The following WDPCP variants were observed in gnomAD, a reference collection of about 807,000 sequenced individuals.
The protein encoded by WDPCP is WD repeat containing planar cell polarity effector, also known as WD repeat-containing and planar cell polarity effector protein fritz homolog.
In WDPCP, 71 loss-of-function variants were observed where a neutral mutation model predicts 93.1. The observed-to-expected ratio is 0.76, with a 90% CI of 0.63 to 0.93. The LOEUF (loss-of-function observed/expected upper bound fraction) is 0.93, where lower values mean the gene tolerates loss of function less well. Among genes scored for constraint, WDPCP ranks in the 40% least tolerant of loss-of-function variants. The pLI, the probability that WDPCP is intolerant of heterozygous loss-of-function variation, is 0.00. For missense variants in WDPCP, 844 were observed against 887.4 expected, an observed-to-expected ratio of 0.95 and a Z score of 0.62; for synonymous variants, 315 against 315.0, an observed-to-expected ratio of 1.00 and a Z score of 0.00.
intron 17 of WDPCP, among the ~76,000 whole-genome samples, chr2:63,144,194 G>A (rs1016482786): frequency 1.3e-5 from 2 of 151,622 alleles, no homozygotes; most frequent in African/African-American, 4.8e-5. Flanking sequence ...CCTTGTTTTC[G>A]AGCTCTGAAT....
At position 63,174,842 on chromosome 2, in the gene WDPCP, A is replaced by G. The variant is rs559715776; in HGVS notation, c.1916-10T>C. 1.2e-6 allele frequency: 2 copies of G among 1,612,904 alleles called. No individual in the cohort carries two copies. The highest frequency in any genetic ancestry group is 1.7e-5 in the Admixed American group (1 of 59,996). Reference sequence around the variant, plus strand: ...AAGGGTCCCAGGAGTTCTGTTGAAAATGATTAATATGTGAGTGAAATACTA... The same window carrying G: ...AAGGGTCCCAGGAGTTCTGTTGAAAGTGATTAATATGTGAGTGAAATACTA... On this transcript the variant is annotated splice_polypyrimidine_tract_variant and intron_variant, in intron 14 of 17. Coordinates refer to ENST00000272321, the MANE Select transcript of WDPCP (RefSeq NM_015910.7).
intron 2 of WDPCP, among the ~76,000 whole-genome samples, chr2:63,785,881 T>C (rs1198553788): frequency 7.2e-5 from 11 of 152,166 alleles, no homozygotes; most frequent in Admixed American, 7.2e-4. Flanking sequence ...AACTGATACA[T>C]TTTTACTATG....
chr2:63,516,639 C>T (rs1024551227), intron 1 of WDPCP, among the ~76,000 whole-genome samples: 15 of 51,868 alleles, frequency 2.9e-4, no homozygotes, highest in African/African-American at 8.3e-4. Flanking sequence ...GAATGAGCCA[C>T]CTTGGATGGA....
chr2:63,301,733 C>A (rs752035473), intron 13 of WDPCP, among the ~76,000 whole-genome samples: 1 of 152,002 alleles, frequency 6.6e-6, no homozygotes, highest in Non-Finnish European at 1.5e-5. Context: ...AAGGGGACAC[C>A]CCCACTGTCT....
chr2:63,532,413 A>G (rs1191993436), intron 1 of WDPCP, among the ~76,000 whole-genome samples: 3 of 152,192 alleles, frequency 2.0e-5, no homozygotes, highest in Non-Finnish European at 4.4e-5. Context: ...TAACTGTTAG[A>G]TTCACCAAGG....
At chr2:63,521,842 C>A (rs1702957631) in intron 1 of WDPCP, among the ~76,000 whole-genome samples, 1 of 152,152 alleles carries the variant, frequency 6.6e-6, no homozygotes, top group Non-Finnish European at 1.5e-5. Flanking sequence ...TCTCGGGCCA[C>A]AGCGCAATAA....
chr2:63,744,940 G>A (rs551110437), intron 2 of WDPCP, among the ~76,000 whole-genome samples: 9 of 151,944 alleles, frequency 5.9e-5, no homozygotes, highest in East Asian at 3.9e-4. Flanking sequence ...TAATAATCAC[G>A]TCATTGAACA....
chr2:63,667,007 G>A (rs1423742296), intron 2 of WDPCP, among the ~76,000 whole-genome samples: 3 of 66,014 alleles, frequency 4.5e-5, no homozygotes, highest in Non-Finnish European at 8.0e-5. Flanking sequence ...TTTGCTAAAT[G>A]GAACCATCTC....
At chr2:63,668,998 C>T (rs1232771534) in intron 2 of WDPCP, among the ~76,000 whole-genome samples, 12 of 152,068 alleles carry the variant, frequency 7.9e-5, no homozygotes, top group Admixed American at 7.9e-4. Flanking sequence ...TTGGCTAGAC[C>T]CTGGTCAACA....
chr2:63,135,376 G>A (rs547346605), intron 17 of WDPCP, among the ~76,000 whole-genome samples: 1 of 152,318 alleles, frequency 6.6e-6, no homozygotes, highest in South Asian at 2.1e-4. Context: ...CTATTGTCCA[G>A]GCTGGAGTGC....
chr2:63,634,305 G>A (rs1468952860), intron 3 of WDPCP, among the ~76,000 whole-genome samples: 3 of 151,978 alleles, frequency 2.0e-5, no homozygotes, highest in African/African-American at 4.8e-5. Context: ...AATGATAAAG[G>A]GGTCAATTCA....
intron 9 of WDPCP, among the ~76,000 whole-genome samples, chr2:63,415,718 C>T (rs956088600): frequency 2.6e-5 from 4 of 152,220 alleles, no homozygotes; most frequent in African/African-American, 9.6e-5. Flanking sequence ...TTTATACAAT[C>T]AGAGAGAGGA....
At chr2:63,738,706 G>T (rs1175491987) in intron 2 of WDPCP, among the ~76,000 whole-genome samples, 1 of 152,006 alleles carries the variant, frequency 6.6e-6, no homozygotes, top group Non-Finnish European at 1.5e-5. Flanking sequence ...TGTCATAAAG[G>T]ATAAATGTTT....
chr2:63,194,772 A>C (rs1404876000), intron 14 of WDPCP, among the ~76,000 whole-genome samples: 1 of 152,164 alleles, frequency 6.6e-6, no homozygotes, highest in Non-Finnish European at 1.5e-5. Flanking sequence ...AGCATATCAC[A>C]GGAAAAAGTA....
intron 14 of WDPCP, among the ~76,000 whole-genome samples, chr2:63,221,704 C>A (rs1559217817): frequency 6.6e-6 from 1 of 152,162 alleles, no homozygotes. Context: ...TCCTGGCCTG[C>A]ATTCCTTATC....
intron 2 of WDPCP, among the ~76,000 whole-genome samples, chr2:63,722,887 T>C (rs904152410): frequency 6.6e-6 from 1 of 151,926 alleles, no homozygotes; most frequent in Non-Finnish European, 1.5e-5. Flanking sequence ...ATGGTTGCCG[T>C]GTCTGTGTAG....
intron 1 of WDPCP, among the ~76,000 whole-genome samples, chr2:63,577,357 T>C (rs1272647037): frequency 6.6e-6 from 1 of 152,178 alleles, no homozygotes; most frequent in Non-Finnish European, 1.5e-5. Context: ...GTACCTTAAA[T>C]TAAAGATATG....
At chr2:63,468,109 T>G (rs964168497) in intron 6 of WDPCP, among the ~76,000 whole-genome samples, 1 of 152,144 alleles carries the variant, frequency 6.6e-6, no homozygotes, top group African/African-American at 2.4e-5. Flanking sequence ...TGAATAACAT[T>G]TGGCCTGGCT....
chr2:63,837,443 T>A, the WDPCP span, among the ~76,000 whole-genome samples: 1 of 152,190 alleles, frequency 6.6e-6, no homozygotes, highest in African/African-American at 2.4e-5. Flanking sequence ...AACAGTCCAG[T>A]GGATAACTGT....
Sources: allele counts gnomAD v4.1 joint callset (sites outside exome capture counted in the v4.1 genomes callset), GRCh38; gene constraint gnomAD v4.1.1; transcripts MANE v1.5; gene names NCBI Gene and HGNC (gene_info 2026-07-23, HGNC 2026-07-21).